The following SLC44A3 variants were observed in gnomAD, a reference collection of about 807,000 sequenced individuals.
SLC44A3 encodes the protein choline transporter-like protein 3.
A neutral mutation model predicts 75.4 loss-of-function variants in SLC44A3; 74 were observed. That is an observed-to-expected ratio of 0.98 (90% confidence interval 0.81 to 1.19). The LOEUF (loss-of-function observed/expected upper bound fraction) is 1.19. SLC44A3 is among the 50% of genes most tolerant of loss of function. The pLI is 0.00. For missense variants in SLC44A3, 700 were observed against 778.6 expected, an observed-to-expected ratio of 0.90 and a Z score of 1.20; for synonymous variants, 310 against 296.9, an observed-to-expected ratio of 1.04 and a Z score of -0.45.
rs1033598605 is a variant in SLC44A3, at chr1:94,828,730, C to T, written c.509+144C>T. 17 of 613,460 alleles carry T rather than the reference C, an allele frequency of 2.8e-5. 1 individual carries two copies. The highest frequency in any genetic ancestry group is 9.5e-5 in the South Asian group (4 of 42,080). 38.0% of individuals were successfully genotyped at this position (613,460 alleles called of 1,614,324 possible). ...GGAGCTTACAGTCTACGGAGGCCAG[C>T]GATAAAAACATGGAGGGACTATTTG... is the stretch of plus-strand genomic sequence containing the variant. On this transcript the variant is annotated intron_variant, in intron 5 of 14. Coordinates refer to ENST00000271227, the MANE Select transcript of SLC44A3 (RefSeq NM_001114106.3).
chr1:94,841,006 T>C (rs1663554509), intron 7 of SLC44A3, among the ~76,000 whole-genome samples: 1 of 152,178 alleles, frequency 6.6e-6, no homozygotes, highest in Admixed American at 6.5e-5. Context: ...GAGAAATGCA[T>C]CACTCAGCAA....
At chr1:94,884,206 G>A (rs1157510574) in intron 12 of SLC44A3, among the ~76,000 whole-genome samples, 4 of 152,188 alleles carry the variant, frequency 2.6e-5, no homozygotes, top group African/African-American at 9.7e-5. Flanking sequence ...AGCCCCAGGG[G>A]ACTGGCTGCT....
intron 3 of SLC44A3, chr1:94,825,951 A>G (rs1283411482): frequency 4.4e-6 from 2 of 455,932 alleles, no homozygotes; most frequent in Non-Finnish European, 8.8e-6. Context: ...AAGTGAGTAT[A>G]CATTCCATTA....
chr1:94,859,420 G>A (rs1227593306), intron 10 of SLC44A3, among the ~76,000 whole-genome samples: 2 of 152,180 alleles, frequency 1.3e-5, no homozygotes, highest in African/African-American at 4.8e-5. Flanking sequence ...GAGCCAAAGA[G>A]AGGGAGGTGG....
At chr1:94,878,070 T>C (rs1230698011) in intron 12 of SLC44A3, among the ~76,000 whole-genome samples, 1 of 151,904 alleles carries the variant, frequency 6.6e-6, no homozygotes, top group African/African-American at 2.4e-5. Flanking sequence ...CCGTCTCTAC[T>C]AAAAATACAA....
chr1:94,846,076 G>A (rs966919859), intron 9 of SLC44A3, among the ~76,000 whole-genome samples: 2 of 151,454 alleles, frequency 1.3e-5, no homozygotes, highest in African/African-American at 2.4e-5. Flanking sequence ...GAACCTGGGA[G>A]GTGGAGGTTG....
rs1660435251 is a variant in SLC44A3 at position 94,820,676 on chromosome 1, G to A, written c.27+198G>A. 12 of 1,378,652 alleles carry A rather than the reference G, an allele frequency of 8.7e-6. No individual in the cohort carries two copies. The South Asian group carries it at 2.1e-4, about 24-fold the overall frequency. 85.4% of individuals were successfully genotyped at this position (1,378,652 alleles called of 1,614,324 possible). ...GTGCTGGGGCGGAGGCGGGGGAGAC[G>A]CGGGCCGCGGGGCGCAAACTTGGGG... is the stretch of plus-strand genomic sequence containing the variant. On this transcript the variant is annotated intron_variant, in intron 1 of 14. Transcript: ENST00000271227.
At chr1:94,853,717 T>C (rs1390467188) in intron 9 of SLC44A3, among the ~76,000 whole-genome samples, 2 of 152,114 alleles carry the variant, frequency 1.3e-5, no homozygotes, top group Non-Finnish European at 2.9e-5. Flanking sequence ...GGTAAGATCA[T>C]GGGCTGAGAG....
At chr1:94,824,742 C>T in intron 3 of SLC44A3, 107 bp downstream of exon 3, 1 of 1,365,074 alleles carries the variant, frequency 7.3e-7, no homozygotes, top group Non-Finnish European at 9.8e-7. Context: ...ACTCTGTCAG[C>T]CTATTTTATA....
intron 10 of SLC44A3, among the ~76,000 whole-genome samples, chr1:94,859,512 A>T (rs1666324281): frequency 6.6e-6 from 1 of 152,236 alleles, no homozygotes. Flanking sequence ...AATAAGATGC[A>T]GCCTGAAGTG....
In SLC44A3 at chr1:94,889,553, C is replaced by CA. The variant is rs370393089; in HGVS notation, c.1483-1576dup. 1.4e-3 allele frequency among the ~76,000 whole-genome samples: 210 copies of CA among 149,532 alleles called. 1 individual carries two copies. Among genetic ancestry groups the CA allele is most frequent in the South Asian group, 8.5e-4 (4 of 4,702 alleles). On this transcript the variant is annotated intron_variant, in intron 12 of 14. Transcript: ENST00000271227. ...ACACACACACACACACACACACACACATTTGTAGTCTTTGATATAGTAATC... is the reference window on the plus strand; with the variant it reads ...ACACACACACACACACACACACACACAATTTGTAGTCTTTGATATAGTAATC...
At chr1:94,867,243 TA>T in intron 11 of SLC44A3, 87 bp from the exon 12 acceptor site, 1 of 1,184,232 alleles carries the variant, frequency 8.4e-7, no homozygotes, top group Non-Finnish European at 1.2e-6. Flanking sequence ...GGTGCATAAG[TA>T]AAAACTGTGT....
At chr1:94,853,694 C>T (rs1355363254) in intron 9 of SLC44A3, among the ~76,000 whole-genome samples, 1 of 152,034 alleles carries the variant, frequency 6.6e-6, no homozygotes, top group Non-Finnish European at 1.5e-5. Flanking sequence ...TCAGTTTTCT[C>T]AGTGAAACAG....
At chr1:94,841,902 C>T (rs1257817608) in intron 7 of SLC44A3, 98 bp from the exon 8 acceptor site, 17 of 1,454,444 alleles carry the variant, frequency 1.2e-5, no homozygotes, top group Admixed American at 2.4e-5. Flanking sequence ...GCCACGCGGC[C>T]GGTGGGCAGT....
At chr1:94,847,095 T>C (rs1664503214) in intron 9 of SLC44A3, among the ~76,000 whole-genome samples, 1 of 152,212 alleles carries the variant, frequency 6.6e-6, no homozygotes, top group East Asian at 1.9e-4. Context: ...GGAGGAACAT[T>C]GGTCAAAAGG....
intron 1 of SLC44A3, 46 bp downstream of exon 1, chr1:94,820,524 G>C (rs1461101673): frequency 1.1e-5 from 17 of 1,482,128 alleles, no homozygotes; most frequent in Non-Finnish European, 1.4e-5. Flanking sequence ...CCCCGGGGAA[G>C]GGTCGAGTCC....
chr1:94,864,884 C>A lies in SLC44A3; in HGVS notation c.1380C>A (p.Asn460Lys). The A allele has an allele frequency of 6.2e-7, 1 of 1,613,620 alleles. No homozygotes were observed. Among genetic ancestry groups the A allele is most frequent in the Non-Finnish European group, 8.5e-7 (1 of 1,179,786 alleles). The change falls in exon 11 of 15, where the codon AAC becomes AAA. Residue 460 changes from asparagine (N) to lysine (K), a missense_variant. Physicochemically the swap from Asn to Lys is moderately conservative, Grantham distance 94. Transcript: ENST00000271227. ...IPRIIVMYMQ[N>K]ALKEQQHGAL... ...GAATCATTGTCATGTACATGCAAAA[C>A]GCACTGAAAGAACAGGTAAGGCTAC... is the stretch of plus-strand genomic sequence containing the variant.
At chr1:94,844,952 G>T (rs1042545862) in intron 8 of SLC44A3, among the ~76,000 whole-genome samples, 2 of 152,224 alleles carry the variant, frequency 1.3e-5, no homozygotes, top group African/African-American at 4.8e-5. Flanking sequence ...TCTGTGGGAT[G>T]TGGAGGGGAG....
intron 6 of SLC44A3, 124 bp from the exon 7 acceptor site, chr1:94,839,824 A>C: frequency 1.4e-6 from 1 of 734,386 alleles, no homozygotes; most frequent in Non-Finnish European, 2.4e-6. Flanking sequence ...ATCCCAAGAT[A>C]TTTAGAGATT....
Sources: allele counts gnomAD v4.1 joint callset (sites outside exome capture counted in the v4.1 genomes callset), GRCh38; gene constraint gnomAD v4.1.1; transcripts MANE v1.5; gene names NCBI Gene and HGNC (gene_info 2026-07-23, HGNC 2026-07-21).